The following ROBO2 variants were observed in gnomAD, a reference collection of about 807,000 sequenced individuals.
The protein encoded by ROBO2 is roundabout guidance receptor 2.
Under a neutral mutation model 160.8 loss-of-function variants are expected in ROBO2, and 53 were observed. The ratio of observed to expected loss-of-function variants is 0.33; its 90% CI spans 0.26 to 0.41. ROBO2 has a LOEUF of 0.41. ROBO2 is among the 10% of genes least tolerant of loss of function. The probability of loss-of-function intolerance (pLI) is 1.00; values close to 1 mark genes in which losing one functional copy is unlikely to be tolerated. For missense variants in ROBO2, 1,577 were observed against 1,722.4 expected (o/e 0.92, Z 1.49); for synonymous variants, 664 against 611.7 (o/e 1.09, Z -1.26).
chr3:76,263,064 G>A (rs1014896233), intron 2 of ROBO2, among the ~76,000 whole-genome samples: 18 of 152,098 alleles, frequency 1.2e-4, no homozygotes, highest in African/African-American at 3.9e-4. Context: ...GAAATCTCCC[G>A]AATATTGTAT....
chr3:77,257,182 C>A (rs2058473270), intron 2 of ROBO2, among the ~76,000 whole-genome samples: 1 of 152,132 alleles, frequency 6.6e-6, no homozygotes, highest in Non-Finnish European at 1.5e-5. Flanking sequence ...CAGCTTCTGT[C>A]TTATTATTTA....
chr3:75,951,112 A>G (rs1256804638), intron 2 of ROBO2, among the ~76,000 whole-genome samples: 1 of 151,992 alleles, frequency 6.6e-6, no homozygotes, highest in Non-Finnish European at 1.5e-5. Context: ...GGTTTCACTT[A>G]CTGTATTTTG....
chr3:77,377,139 C>A (rs1002249535), intron 2 of ROBO2, among the ~76,000 whole-genome samples: 1 of 151,994 alleles, frequency 6.6e-6, no homozygotes, highest in African/African-American at 2.4e-5. Context: ...TATCTTCAGT[C>A]TATACTGTTT....
intron 2 of ROBO2, among the ~76,000 whole-genome samples, chr3:75,951,291 T>C (rs6766044): frequency 0.061 from 9,325 of 152,102 alleles, 852 homozygotes; most frequent in African/African-American, 0.2. Flanking sequence ...TGTGTTTTGT[T>C]TGAGATTGGA....
At chr3:77,568,821 T>C (rs1428551437) in intron 13 of ROBO2, among the ~76,000 whole-genome samples, 2 of 152,030 alleles carry the variant, frequency 1.3e-5, no homozygotes, top group Admixed American at 6.6e-5. Flanking sequence ...TCATTTCCCC[T>C]ACCGTAGCCC....
chr3:76,249,247 G>T (rs900213245), intron 2 of ROBO2, among the ~76,000 whole-genome samples: 3 of 152,078 alleles, frequency 2.0e-5, no homozygotes, highest in African/African-American at 7.2e-5. Flanking sequence ...AGTACTAACA[G>T]TGCCTCAGAA....
At chr3:76,278,271 T>A (rs1708044805) in intron 2 of ROBO2, among the ~76,000 whole-genome samples, 1 of 151,964 alleles carries the variant, frequency 6.6e-6, no homozygotes, top group Non-Finnish European at 1.5e-5. Context: ...TTGTCACTAA[T>A]AATAAAGAGT....
At chr3:75,915,017 T>G (rs1040478873) in intron 1 of ROBO2, among the ~76,000 whole-genome samples, 3 of 152,206 alleles carry the variant, frequency 2.0e-5, no homozygotes, top group Non-Finnish European at 4.4e-5. Flanking sequence ...TGGACATATC[T>G]TGGTATGAGT....
intron 2 of ROBO2, among the ~76,000 whole-genome samples, chr3:76,555,655 C>CT (rs2083742158): frequency 1.3e-5 from 2 of 152,256 alleles, no homozygotes; most frequent in South Asian, 4.1e-4. Flanking sequence ...ATGAAGTACT[C>CT]TAAGGCTTAC....
intron 2 of ROBO2, among the ~76,000 whole-genome samples, chr3:76,199,805 TTGAC>T (rs1702434314): frequency 6.6e-6 from 1 of 152,156 alleles, no homozygotes; most frequent in African/African-American, 2.4e-5. Flanking sequence ...CACTTCGACT[TTGAC>T]TGCCTACAGC....
rs145918629 is a variant in ROBO2 at position 75,923,027 on chromosome 3, C to T, written c.-13-14454C>T. 3.3e-4 allele frequency among the ~76,000 whole-genome samples: 50 copies of T among 152,318 alleles called. No individual in the cohort carries two copies. In the East Asian group the frequency reaches 4.6e-3, roughly 14 times the overall value. ...GCAGCCTTTCAGGTATAAAGACACA[C>T]ACATCACTTTCCCTAAATCTTACAT... On this transcript the variant is annotated intron_variant, in intron 1 of 26. Transcript: ENST00000487694.
chr3:75,979,473 T>C (rs1360580848), intron 2 of ROBO2, among the ~76,000 whole-genome samples: 1 of 151,494 alleles, frequency 6.6e-6, no homozygotes, highest in Admixed American at 6.6e-5. Flanking sequence ...GATAAGTTTA[T>C]CTAGTAAGTG....
At chr3:76,449,317 T>A (rs546890206) in intron 2 of ROBO2, among the ~76,000 whole-genome samples, 10 of 152,136 alleles carry the variant, frequency 6.6e-5, no homozygotes, top group Non-Finnish European at 1.3e-4. Context: ...CCCCTTCATT[T>A]TACAGGGAGA....
chr3:77,306,558 T>G (rs2063111266), intron 2 of ROBO2, among the ~76,000 whole-genome samples: 1 of 152,196 alleles, frequency 6.6e-6, no homozygotes, highest in African/African-American at 2.4e-5. Context: ...TGTGTGACCC[T>G]GTCTTAAAGA....
chr3:77,543,856 A>T, intron 6 of ROBO2, among the ~76,000 whole-genome samples: 1 of 152,230 alleles, frequency 6.6e-6, no homozygotes, highest in Admixed American at 6.5e-5. Context: ...GTACAAATTA[A>T]CTAATCAGCT....
At chr3:77,210,846 G>A (rs2151094242) in intron 2 of ROBO2, among the ~76,000 whole-genome samples, 1 of 150,840 alleles carries the variant, frequency 6.6e-6, no homozygotes, top group African/African-American at 2.4e-5. Flanking sequence ...GTGTTTGGTT[G>A]TCTGATCTTG....
chr3:75,989,710 GA>G (rs1472937896), intron 2 of ROBO2, among the ~76,000 whole-genome samples: 1 of 152,186 alleles, frequency 6.6e-6, no homozygotes, highest in Non-Finnish European at 1.5e-5. Context: ...ATATAAGAAT[GA>G]TGTCAATACA....
At chr3:77,548,116 A>C (rs2092772829) in intron 7 of ROBO2, among the ~76,000 whole-genome samples, 1 of 151,356 alleles carries the variant, frequency 6.6e-6, no homozygotes, top group South Asian at 2.1e-4. Flanking sequence ...AGACACACAT[A>C]AACACACACC....
At chr3:77,335,775 C>T (rs1418581301) in intron 2 of ROBO2, among the ~76,000 whole-genome samples, 3 of 152,126 alleles carry the variant, frequency 2.0e-5, no homozygotes, top group Non-Finnish European at 1.5e-5. Flanking sequence ...GGAATGGCAA[C>T]TGAGCCTAAC....
Sources: allele counts gnomAD v4.1 joint callset (sites outside exome capture counted in the v4.1 genomes callset), GRCh38; gene constraint gnomAD v4.1.1; transcripts MANE v1.5; gene names NCBI Gene and HGNC (gene_info 2026-07-23, HGNC 2026-07-21).